SORCS2: variants seen among roughly 807,000 people sequenced by gnomAD.
SORCS2 encodes VPS10 domain-containing receptor SorCS2.
A neutral mutation model predicts 141.6 loss-of-function variants in SORCS2; 100 were observed. The ratio of observed to expected loss-of-function variants is 0.71; its 90% CI spans 0.60 to 0.83. The LOEUF is 0.83. Ranked by LOEUF, SORCS2 falls within the 40% of genes least tolerant of loss-of-function variation. The probability of loss-of-function intolerance (pLI) is 0.00; values close to 1 mark genes in which losing one functional copy is unlikely to be tolerated. For missense variants in SORCS2, 1,646 were observed against 1,560.2 expected (o/e 1.05, Z -0.93); for synonymous variants, 789 against 676.9 (o/e 1.17, Z -2.57).
At chr4:7,634,029 C>A (rs542965547) in intron 3 of SORCS2, among the ~76,000 whole-genome samples, 1 of 121,346 alleles carries the variant, frequency 8.2e-6, no homozygotes, top group African/African-American at 2.6e-5. Flanking sequence ...CTGAGGACTT[C>A]CTTCCTTCTT....
intron 3 of SORCS2, among the ~76,000 whole-genome samples, chr4:7,544,408 C>G (rs1056534562): frequency 1.3e-5 from 2 of 152,084 alleles, no homozygotes; most frequent in African/African-American, 4.8e-5. Flanking sequence ...GATGGAGAGC[C>G]CTGGAGAGAT....
At chr4:7,579,090 A>G (rs538626065) in intron 3 of SORCS2, among the ~76,000 whole-genome samples, 2 of 152,172 alleles carry the variant, frequency 1.3e-5, no homozygotes, top group East Asian at 1.9e-4. Context: ...TCCTCTCTCT[A>G]GCTACCCCCA....
At chr4:7,543,663 CCCAT>C (rs1712915421) in intron 3 of SORCS2, among the ~76,000 whole-genome samples, 1 of 81,690 alleles carries the variant, frequency 1.2e-5, no homozygotes. Context: ...CATCCACCCA[CCCAT>C]CCATCCATCC....
At chr4:7,395,226 C>T (rs942441696) in intron 1 of SORCS2, among the ~76,000 whole-genome samples, 5 of 152,304 alleles carry the variant, frequency 3.3e-5, no homozygotes. Flanking sequence ...CTAGGTCAGC[C>T]CAGCTGCCAT....
intron 2 of SORCS2, among the ~76,000 whole-genome samples, chr4:7,409,128 C>T (rs978252854): frequency 9.2e-5 from 14 of 152,106 alleles, no homozygotes; most frequent in African/African-American, 3.1e-4. Flanking sequence ...GCTATTGTTT[C>T]TTGTAGATGT....
In SORCS2 at chr4:7,193,736, C is replaced by T. The variant is rs1727003497; in HGVS notation, c.480+610C>T. Reference sequence around the variant, plus strand: ...TCGCCCCGCCTGGATGCACTGGGACCCGCGTACCCCCTTGGGTTCATACCC... The same window carrying T: ...TCGCCCCGCCTGGATGCACTGGGACTCGCGTACCCCCTTGGGTTCATACCC... On this transcript the variant is annotated intron_variant, in intron 1 of 26. Coordinates refer to ENST00000507866, the MANE Select transcript of SORCS2 (RefSeq NM_020777.3). The surrounding 1 kb of genome is among the most constrained non-coding windows in gnomAD (Gnocchi z 4.8). Among the ~76,000 whole-genome samples, 1 of 152,194 alleles carries T rather than the reference C, an allele frequency of 6.6e-6. No individual in the cohort carries two copies. The highest frequency in any genetic ancestry group is 6.5e-5 in the Admixed American group (1 of 15,288).
rs1490359099 is a variant in SORCS2 at position 7,697,243 on chromosome 4, T to C, written c.1637T>C (p.Ile546Thr). The C allele has an allele frequency of 1.3e-6, 2 of 1,591,654 alleles. No homozygotes were observed. Among genetic ancestry groups the C allele is most frequent in the South Asian group, 2.3e-5 (2 of 86,798 alleles). Residue 546 changes from isoleucine to threonine, a missense_variant, in exon 12 of 27, where the codon ATC becomes ACC. Ile to Thr is a moderately conservative substitution (Grantham distance 89). Coordinates refer to ENST00000507866, the MANE Select transcript of SORCS2 (RefSeq NM_020777.3). ...GTGGAATATAAAGAAGAAATGTACA[T>C]CACGTCAGACTGTGGTCACACCTGG... ...QLVEYKEEMY[I>T]TSDCGHTWRQ...
intron 2 of SORCS2, among the ~76,000 whole-genome samples, chr4:7,454,609 A>G (rs868473938): frequency 1.5e-3 from 97 of 65,532 alleles, no homozygotes; most frequent in African/African-American, 3.9e-3. Context: ...GGGGTCAGGC[A>G]CTGTGTGTTG....
rs190440125 is a variant in SORCS2 at position 7,282,325 on chromosome 4, G to C, written c.480+89199G>C. Among the ~76,000 whole-genome samples, 18 of 152,314 alleles carry C rather than the reference G, an allele frequency of 1.2e-4. No homozygotes were observed. In the East Asian group the frequency reaches 3.3e-3, roughly 28 times the overall value. ...AGTGATAGACATGTTTTTAAGACAG[G>C]ATCTTTTCCTCCACCCCTTTAAAAA... On this transcript the variant is annotated intron_variant, in intron 1 of 26. Coordinates refer to ENST00000507866, the MANE Select transcript of SORCS2 (RefSeq NM_020777.3).
intron 1 of SORCS2, among the ~76,000 whole-genome samples, chr4:7,247,880 C>G (rs2108800876): frequency 6.6e-6 from 1 of 152,348 alleles, no homozygotes; most frequent in East Asian, 1.9e-4. Flanking sequence ...GGCCTGCACC[C>G]TGGTGACAGC....
rs147121663 is a variant in SORCS2 at position 7,653,599 on chromosome 4, G to C, written c.814-535G>C. On this transcript the variant is annotated intron_variant, in intron 4 of 26. Coordinates refer to ENST00000507866, the MANE Select transcript of SORCS2 (RefSeq NM_020777.3). ...GGCAGCTGCAGAGAATTAAGCCCCAGATGTGGGGCCCTTCTGAGCTAGGTC... is the reference window on the plus strand; with the variant it reads ...GGCAGCTGCAGAGAATTAAGCCCCACATGTGGGGCCCTTCTGAGCTAGGTC... Among the ~76,000 whole-genome samples the C allele has an allele frequency of 6.5e-3, 989 of 152,312 alleles. 8 individuals are homozygous for C. Among genetic ancestry groups the C allele is most frequent in the African/African-American group, 0.023 (937 of 41,576 alleles).
intron 3 of SORCS2, among the ~76,000 whole-genome samples, chr4:7,611,059 A>T (rs542979687): frequency 6.6e-6 from 1 of 152,322 alleles, no homozygotes; most frequent in South Asian, 2.1e-4. Flanking sequence ...ACTAAGCAGG[A>T]TGGCCTGCAG....
At chr4:7,490,786 C>T (rs982366891) in intron 2 of SORCS2, among the ~76,000 whole-genome samples, 4 of 152,136 alleles carry the variant, frequency 2.6e-5, no homozygotes, top group Admixed American at 1.3e-4. Context: ...CTGGCATCTC[C>T]GTGCCCCAGG....
intron 4 of SORCS2, among the ~76,000 whole-genome samples, chr4:7,639,401 G>T (rs1720485064): frequency 6.9e-6 from 1 of 145,544 alleles, no homozygotes; most frequent in Non-Finnish European, 1.5e-5. Context: ...TCTCCATGCT[G>T]CCTACTGCAT....
At position 7,738,484 on chromosome 4, in the gene SORCS2, G is replaced by A. The variant is rs997217465; in HGVS notation, c.3415+1312G>A. Among the ~76,000 whole-genome samples the A allele has an allele frequency of 3.3e-5, 5 of 152,186 alleles. No homozygotes were observed. In the South Asian group the frequency reaches 1.0e-3, roughly 32 times the overall value. Reference sequence around the variant, plus strand: ...CCAGGGACCCGGCGTCTCCCCTACAGTTCCTGTTCTCTCTTAATCCCCATC... The same window carrying A: ...CCAGGGACCCGGCGTCTCCCCTACAATTCCTGTTCTCTCTTAATCCCCATC... On this transcript the variant is annotated intron_variant, in intron 26 of 26. Transcript: ENST00000507866.
At chr4:7,614,247 C>T (rs187697281) in intron 3 of SORCS2, among the ~76,000 whole-genome samples, 2 of 149,918 alleles carry the variant, frequency 1.3e-5, no homozygotes, top group Non-Finnish European at 3.0e-5. Flanking sequence ...TCCACCTATC[C>T]GTCCACCCAT....
chr4:7,739,974 G>C (rs994796650), intron 26 of SORCS2, among the ~76,000 whole-genome samples: 2 of 152,146 alleles, frequency 1.3e-5, no homozygotes, highest in African/African-American at 4.8e-5. Context: ...TCACCTCTCA[G>C]GCCCTCTGGG....
chr4:7,688,266 G>A (rs1723998535), intron 10 of SORCS2, among the ~76,000 whole-genome samples: 1 of 152,164 alleles, frequency 6.6e-6, no homozygotes, highest in African/African-American at 2.4e-5. Context: ...CGGGTCAGCA[G>A]GCCTCACCGT....
chr4:7,429,323 C>T (rs902162966), intron 2 of SORCS2, among the ~76,000 whole-genome samples: 2 of 152,184 alleles, frequency 1.3e-5, no homozygotes, highest in African/African-American at 4.8e-5. Flanking sequence ...CATCCCTGCA[C>T]CCATACGTGC....
Sources: gnomAD v4.1 joint callset for allele counts (sites outside exome capture counted in the v4.1 genomes callset) on GRCh38, gnomAD v4.1.1 for gene constraint, Gnocchi (gnomAD v3.1) non-coding constraint, MANE v1.5 for transcripts, NCBI Gene and HGNC (gene_info 2026-07-23, HGNC 2026-07-21) for gene names.